Variants in FOXP4 observed in about 807,000 individuals in gnomAD.
FOXP4 encodes forkhead box protein P4.
Under a neutral mutation model 82.6 loss-of-function variants are expected in FOXP4, and 25 were observed. The observed-to-expected ratio is 0.30, with a 90% CI of 0.22 to 0.42. FOXP4 has a LOEUF of 0.42. FOXP4 is among the 10% of genes least tolerant of loss of function. FOXP4 has a pLI of 1.00. For missense variants in FOXP4, 785 were observed against 900.9 expected (o/e 0.87, Z 1.65); for synonymous variants, 415 against 388.2 (o/e 1.07, Z -0.81).
chr6:41,568,893 A>G (rs540650507), intron 2 of FOXP4, among the ~76,000 whole-genome samples: 1 of 152,354 alleles, frequency 6.6e-6, no homozygotes, highest in African/African-American at 2.4e-5. Context: ...GAGGGTGGCC[A>G]CGTCACTTTG....
intron 1 of FOXP4, among the ~76,000 whole-genome samples, chr6:41,560,506 G>A (rs796610194): frequency 5.3e-5 from 8 of 152,342 alleles, no homozygotes; most frequent in African/African-American, 1.9e-4. Context: ...TTAAGAACTG[G>A]GGCCTCATCT....
At chr6:41,597,610 C>T (rs1766925511) in intron 15 of FOXP4, among the ~76,000 whole-genome samples, 171 bp from the exon 16 acceptor site, 1 of 152,106 alleles carries the variant, frequency 6.6e-6, no homozygotes, top group African/African-American at 2.4e-5. Flanking sequence ...GGGAGGGGTG[C>T]TACATTCAAA....
chr6:41,586,723 G>T (rs745821341), intron 5 of FOXP4, among the ~76,000 whole-genome samples: 1 of 152,226 alleles, frequency 6.6e-6, no homozygotes, highest in African/African-American at 2.4e-5. Context: ...CTGAAGCAGC[G>T]GAAGGAGGGA....
At position 41,565,843 on chromosome 6, in the gene FOXP4, A is replaced by G; in HGVS notation, c.83A>G (p.Asp28Gly). 2 of 1,614,032 alleles carry G rather than the reference A, an allele frequency of 1.2e-6. No individual in the cohort carries two copies. The highest frequency in any genetic ancestry group is 1.7e-6 in the Non-Finnish European group (2 of 1,180,030). Residue 28 changes from aspartate (D) to glycine (G), a missense_variant, in exon 2 of 17, where the codon GAT (aspartate) becomes GGT (glycine). Around this residue, in one of 3 missense-constraint regions of FOXP4, gnomAD observed 570 missense variants for 634.0 expected, o/e 0.90. Transcript: ENST00000307972. ...GTGGGCAGCCTCTCTGGGCAAGCCG[A>G]TGGCAGCAGCGGCGGGGCCACAGGG... Reference protein sequence around the residue: ...NGVGSLSGQADGSSGGATGTT... With the variant: ...NGVGSLSGQAGGSSGGATGTT...
At chr6:41,580,840 C>G (rs1263245970) in intron 3 of FOXP4, among the ~76,000 whole-genome samples, 2 of 152,182 alleles carry the variant, frequency 1.3e-5, no homozygotes, top group Non-Finnish European at 2.9e-5. Flanking sequence ...GAACGCTGCT[C>G]TGCTCCCCAG....
At chr6:41,574,450 C>G (rs1011523815) in intron 2 of FOXP4, among the ~76,000 whole-genome samples, 2 of 152,210 alleles carry the variant, frequency 1.3e-5, no homozygotes, top group East Asian at 3.8e-4. Context: ...GCTTTGAAAA[C>G]TGCAAGGCAA....
chr6:41,553,685 A>G (rs1386528448), intron 1 of FOXP4, among the ~76,000 whole-genome samples: 1 of 152,112 alleles, frequency 6.6e-6, no homozygotes, highest in Admixed American at 6.5e-5. Flanking sequence ...ACTTAGGAGG[A>G]CTAGGGGAGG....
intron 13 of FOXP4, among the ~76,000 whole-genome samples, chr6:41,592,926 C>T (rs1044186370): frequency 2.0e-5 from 3 of 152,168 alleles, no homozygotes; most frequent in African/African-American, 7.2e-5. Flanking sequence ...CATCTCCCCT[C>T]ACCTAGTCTA....
rs780120879 is a variant in FOXP4, at chr6:41,587,503, G to T, written c.863G>T (p.Arg288Leu). The change falls in exon 7 of 17, where the codon CGG (arginine) becomes CTG (leucine). Residue 288 changes from arginine to leucine, a missense_variant. Physicochemically the swap from Arg to Leu is moderately radical, Grantham distance 102. Transcript: ENST00000307972. The stretch of plus-strand genomic sequence containing the variant: ...GGACAGCCTACTGTGCTCACATCTC[G>T]GAGAGACAGGTACAGGGGTCCAGGC... ...PNGQPTVLTS[R>L]RDSSSHEETP... is the part of the protein sequence containing the mutation. The T allele has an allele frequency of 7.9e-6, 12 of 1,520,580 alleles. No individual in the cohort carries two copies. The highest frequency in any genetic ancestry group is 2.6e-5 in the South Asian group (2 of 75,888). 94.2% of individuals were successfully genotyped at this position (1,520,580 alleles called of 1,614,324 possible). A position where few individuals can be genotyped will look rare whatever the true frequency, so the allele number is the denominator to read the frequency against.
chr6:41,552,079 G>T lies in FOXP4; in HGVS notation c.-17+5212G>T, dbSNP rs576893814. 4.6e-5 allele frequency among the ~76,000 whole-genome samples: 7 copies of T among 152,334 alleles called. No individual in the cohort carries two copies. The South Asian group carries it at 8.3e-4, about 18-fold the overall frequency. On this transcript the variant is annotated intron_variant, in intron 1 of 16. Coordinates refer to ENST00000307972, the MANE Select transcript of FOXP4 (RefSeq NM_001012426.2). ...TCCCCGTGTGAAATGAAACCAGGGG[G>T]TGGGAGGTTGGGGTAGCTTCCGTTC...
At chr6:41,557,802 A>G (rs1471177134) in intron 1 of FOXP4, among the ~76,000 whole-genome samples, 1 of 152,018 alleles carries the variant, frequency 6.6e-6, no homozygotes, top group East Asian at 1.9e-4. Context: ...TTTTTTCAAA[A>G]TTTTCTACCA....
intron 1 of FOXP4, among the ~76,000 whole-genome samples, chr6:41,562,107 A>G (rs1764615904): frequency 6.6e-6 from 1 of 152,140 alleles, no homozygotes; most frequent in Non-Finnish European, 1.5e-5. Context: ...CCCTGTGGAG[A>G]GGTGGGCAGG....
intron 14 of FOXP4, among the ~76,000 whole-genome samples, chr6:41,595,542 C>T (rs1021862924): frequency 1.3e-5 from 2 of 152,228 alleles, no homozygotes; most frequent in Admixed American, 6.5e-5. Flanking sequence ...AGCTTCACTT[C>T]ACCACCTGGC....
At chr6:41,587,632 C>T (rs1027166668) in intron 7 of FOXP4, 120 bp downstream of exon 7, 11 of 871,530 alleles carry the variant, frequency 1.3e-5, no homozygotes, top group Non-Finnish European at 1.7e-5. Flanking sequence ...GGTTCACTCC[C>T]TCTCCACTCC....
intron 1 of FOXP4, among the ~76,000 whole-genome samples, chr6:41,563,654 C>T (rs1764715187): frequency 6.6e-6 from 1 of 152,162 alleles, no homozygotes; most frequent in South Asian, 2.1e-4. Flanking sequence ...CTCACCCTTA[C>T]AATTATGGTG....
At chr6:41,570,541 G>T in intron 2 of FOXP4, 1 of 375,960 alleles carries the variant, frequency 2.7e-6, no homozygotes, top group Middle Eastern at 8.8e-4. Context: ...TCCCCTAGGA[G>T]GGCAGAGGGC....
chr6:41,576,078 C>T (rs1053680106), intron 2 of FOXP4, among the ~76,000 whole-genome samples: 11 of 149,812 alleles, frequency 7.3e-5, no homozygotes, highest in Non-Finnish European at 1.3e-4. Context: ...CTCCTCTTTC[C>T]GCAGAGCCTT....
Position 41,565,818 on chromosome 6 carries a change from G to T in FOXP4, c.58G>T (p.Val20Leu). The change falls in exon 2 of 17, where the codon GTG becomes TTG. Residue 20 changes from valine (V) to leucine (L), a missense_variant. By Grantham distance (32) the Val-to-Leu change is conservative (BLOSUM62 1). This residue lies in a region of FOXP4 where 570 missense variants were observed against 634.0 expected (regional missense o/e 0.90). Transcript: ENST00000307972. The stretch of plus-strand genomic sequence containing the variant: ...GTCGGCTCCATCTGGTCAGAATGGC[G>T]TGGGCAGCCTCTCTGGGCAAGCCGA... ...IRSAPSGQNG[V>L]GSLSGQADGS... 1.2e-6 allele frequency: 2 copies of T among 1,613,840 alleles called. No homozygotes were observed. Among genetic ancestry groups the T allele is most frequent in the South Asian group, 1.1e-5 (1 of 91,060 alleles).
rs1377408167 is a variant in FOXP4 at position 41,584,706 on chromosome 6, C to G, written c.301-63C>G. The G allele has an allele frequency of 5.3e-6, 8 of 1,507,354 alleles. No homozygotes were observed. In the East Asian group the frequency reaches 2.0e-4, roughly 38 times the overall value. The allele number at this position is 1,507,354 out of a possible 1,614,324, so 93.4% of individuals were successfully genotyped here. ...ACTCTGCCACGCTGAGAGTGGGGCC[C>G]TGGGTGGTGCCTCCTCCTGGGTTGG... On this transcript the variant is annotated intron_variant, in intron 3 of 16. Coordinates refer to ENST00000307972, the MANE Select transcript of FOXP4 (RefSeq NM_001012426.2).
Sources: gnomAD v4.1 joint callset for allele counts (sites outside exome capture counted in the v4.1 genomes callset) on GRCh38, gnomAD v4.1.1 for gene constraint, gnomAD v4.1.1 regional missense constraint, MANE v1.5 for transcripts, NCBI Gene and HGNC (gene_info 2026-07-23, HGNC 2026-07-21) for gene names.